Variants in SH3TC1 observed in about 807,000 individuals in gnomAD.
SH3TC1 encodes SH3 domain and tetratricopeptide repeats 1, also known as SH3 domain and tetratricopeptide repeat-containing protein 1.
SH3TC1 carries 135 observed loss-of-function variants against 117.3 expected under a neutral mutation model. That is an observed-to-expected ratio of 1.15 (90% confidence interval 1.00 to 1.33). The LOEUF is 1.33. Among genes scored for constraint, SH3TC1 ranks in the 40% most tolerant of loss-of-function variants. SH3TC1 has a pLI of 0.00. For missense variants in SH3TC1, 2,092 were observed against 1,794.3 expected (o/e 1.17, Z -3.00); for synonymous variants, 898 against 816.9 (o/e 1.10, Z -1.69).
upstream of SH3TC1, among the ~76,000 whole-genome samples, chr4:8,197,505 C>T (rs926098533): frequency 6.6e-6 from 1 of 152,202 alleles, no homozygotes; most frequent in African/African-American, 2.4e-5. Context: ...GGAGCTGCGG[C>T]CCCTCTGCCT....
intron 13 of SH3TC1, 23 bp from the exon 14 acceptor site, chr4:8,233,340 C>T (rs774319788): frequency 1.3e-6 from 2 of 1,588,508 alleles, no homozygotes; most frequent in South Asian, 1.2e-5. Flanking sequence ...AGCCCTTGTT[C>T]TGACACCTGT....
At chr4:8,235,828 G>A (rs1721760730) in intron 15 of SH3TC1, 1 of 395,252 alleles carries the variant, frequency 2.5e-6, no homozygotes, top group Non-Finnish European at 4.5e-6. Context: ...TACAGATGAG[G>A]AAACTGAGGC....
chr4:8,226,985 C>A lies in SH3TC1; in HGVS notation c.1291C>A (p.Pro431Thr). Residue 431 changes from proline to threonine, a missense_variant, in exon 12 of 18, where the codon CCT (proline) becomes ACT (threonine). Transcript: ENST00000245105. Reference sequence around the variant, plus strand: ...GGTGTTTTTGTGACTTGCAGAAATACCTCCACCTTGCCTGAGCCTGGAGCC... The same window carrying A: ...GGTGTTTTTGTGACTTGCAGAAATAACTCCACCTTGCCTGAGCCTGGAGCC... The part of the protein sequence containing the change: ...ETEQPQEKEI[P>T]PPCLSLEPQE... 6.5e-7 allele frequency: 1 copy of A among 1,535,670 alleles called. No homozygotes were observed. The highest frequency in any genetic ancestry group is 8.8e-7 in the Non-Finnish European group (1 of 1,140,340).
Position 8,227,245 on chromosome 4 carries a change from C to T in SH3TC1, c.1551C>T (p.Gly517=). The change falls in exon 12 of 18, where the codon GGC becomes GGT. Residue 517 remains glycine, a synonymous_variant. Transcript: ENST00000245105. The stretch of plus-strand genomic sequence containing the variant: ...CTGGGTACAAGGCCAGCTTCCGTGG[C>T]CTGTACGATGTGGCGCTGCCGTGGC... ...NAPGYKASFR[G]LYDVALPWLS... is the part of the protein sequence containing the mutation. 6.3e-7 allele frequency: 1 copy of T among 1,593,614 alleles called. No homozygotes were observed. The highest frequency in any genetic ancestry group is 8.5e-7 in the Non-Finnish European group (1 of 1,170,138).
chr4:8,225,204 C>A lies in SH3TC1; in HGVS notation c.1273C>A (p.Pro425Thr). ...DSVEEAETEQ[P>T]QEKEIPPPCL... ...AGTAGAGGAAGCTGAGACCGAGCAG[C>A]CGCAGGAAAAAGGTGGGTTTTGCCA... is the stretch of plus-strand genomic sequence containing the variant. Residue 425 changes from proline to threonine, a missense_variant, in exon 11 of 18, where the codon CCG (proline) becomes ACG (threonine). By Grantham distance (38) the Pro-to-Thr change is conservative. Coordinates refer to ENST00000245105, the MANE Select transcript of SH3TC1 (RefSeq NM_018986.5). This position sits in a 1 kb window ranked among gnomAD's most constrained non-coding sequence, Gnocchi z 5.5. 6.2e-7 allele frequency: 1 copy of A among 1,613,854 alleles called. No individual in the cohort carries two copies. Among genetic ancestry groups the A allele is most frequent in the Middle Eastern group, 1.7e-4 (1 of 6,058 alleles).
chr4:8,209,925 C>G lies in SH3TC1; in HGVS notation c.247+103C>G, dbSNP rs1171273833. 4.3e-6 allele frequency: 5 copies of G among 1,154,826 alleles called. No individual in the cohort carries two copies. Among genetic ancestry groups the G allele is most frequent in the Non-Finnish European group, 6.2e-6 (5 of 808,216 alleles). The allele number at this position is 1,154,826 out of a possible 1,614,324, so 71.5% of individuals were successfully genotyped here. A position where few individuals can be genotyped will look rare whatever the true frequency, so the allele number is the denominator to read the frequency against. On this transcript the variant is annotated intron_variant, in intron 3 of 17. Transcript: ENST00000245105. This position sits in a 1 kb window ranked among gnomAD's most constrained non-coding sequence, Gnocchi z 5.9. Reference sequence around the variant, plus strand: ...CCCAGGGCTTCTCAAAGTGTGGCCTCAGACTTCCCACCTTAAAATCATGAT... The same window carrying G: ...CCCAGGGCTTCTCAAAGTGTGGCCTGAGACTTCCCACCTTAAAATCATGAT...
rs1258233258 is a variant in SH3TC1 at position 8,209,140 on chromosome 4, C to A, written c.173-608C>A. ...GCCCGTCTGTGGGCTCAGATAAAGT[C>A]CTCCAAAGATGCCCATGTCCTTATC... On this transcript the variant is annotated intron_variant, in intron 2 of 17. Coordinates refer to ENST00000245105, the MANE Select transcript of SH3TC1 (RefSeq NM_018986.5). The surrounding 1 kb of genome is among the most constrained non-coding windows in gnomAD (Gnocchi z 5.9). Among the ~76,000 whole-genome samples the A allele has an allele frequency of 6.6e-6, 1 of 152,188 alleles. No homozygotes were observed. The highest frequency in any genetic ancestry group is 1.5e-5 in the Non-Finnish European group (1 of 68,036).
chr4:8,188,564 TG>T (rs1223063165), intron 1 of SH3TC1, among the ~76,000 whole-genome samples: 1 of 152,244 alleles, frequency 6.6e-6, no homozygotes, highest in East Asian at 1.9e-4. Flanking sequence ...TGTGGGCCAG[TG>T]GGGGAGTTTC....
In SH3TC1 at chr4:8,225,014, C is replaced by A; in HGVS notation, c.1244-161C>A. ...CTCAGCCTGCAACACCTGCACCCTG[C>A]AACACTCCAGCCCGCAACACCAGCA... On this transcript the variant is annotated intron_variant, in intron 10 of 17. Transcript: ENST00000245105. This position sits in a 1 kb window ranked among gnomAD's most constrained non-coding sequence, Gnocchi z 5.5. The A allele has an allele frequency of 1.2e-6, 1 of 836,148 alleles. No individual in the cohort carries two copies. The highest frequency in any genetic ancestry group is 1.9e-6 in the Non-Finnish European group (1 of 525,744). The allele number at this position is 836,148 out of a possible 1,614,324, so 51.8% of individuals were successfully genotyped here. A position where few individuals can be genotyped will look rare whatever the true frequency, so the allele number is the denominator to read the frequency against.
chr4:8,209,690 C>T lies in SH3TC1; in HGVS notation c.173-58C>T. On this transcript the variant is annotated intron_variant, in intron 2 of 17. Transcript: ENST00000245105. The surrounding 1 kb of genome is among the most constrained non-coding windows in gnomAD (Gnocchi z 5.9). ...AGAGACCTGGAGCGTTTGGCGCCTT[C>T]AGAGGAGCCAGGCCTTTGCTTGGTC... The T allele has an allele frequency of 6.2e-7, 1 of 1,608,636 alleles. No homozygotes were observed. Among genetic ancestry groups the T allele is most frequent in the Non-Finnish European group, 8.5e-7 (1 of 1,178,074 alleles).
intron 17 of SH3TC1, among the ~76,000 whole-genome samples, chr4:8,239,745 CCCCACAGGCTCCTGGGCT>C (rs1722167858): frequency 6.6e-6 from 1 of 152,222 alleles, no homozygotes; most frequent in East Asian, 1.9e-4. Flanking sequence ...CCTCCTGGGC[CCCCACAGGCTCCTGGGCT>C]TGCCTCTGCC....
chr4:8,207,259 C>T (rs942382683), intron 2 of SH3TC1, among the ~76,000 whole-genome samples: 1 of 152,184 alleles, frequency 6.6e-6, no homozygotes, highest in African/African-American at 2.4e-5. Flanking sequence ...GGGATTTGGG[C>T]AGGAATCCCG....
chr4:8,185,737 G>T (rs145614767), intron 1 of SH3TC1, among the ~76,000 whole-genome samples: 223 of 152,326 alleles, frequency 1.5e-3, no homozygotes, highest in Admixed American at 3.7e-3. Context: ...TACCTCCAAG[G>T]CATTGCTGTT....
At chr4:8,237,752 C>G in intron 17 of SH3TC1, 82 bp downstream of exon 17, 13 of 1,414,868 alleles carry the variant, frequency 9.2e-6, no homozygotes, top group Non-Finnish European at 1.1e-5. Context: ...GGCATGTGTT[C>G]CAGCCTTCCT....
Position 8,228,551 on chromosome 4 carries a change from G to C in SH3TC1, c.2857G>C (p.Gly953Arg). 6.2e-7 allele frequency: 1 copy of C among 1,608,434 alleles called. No homozygotes were observed. Among genetic ancestry groups the C allele is most frequent in the Admixed American group, 1.7e-5 (1 of 59,674 alleles). ...RDFTHVLLQL[G>R]HLCTRQGPAQ... Reference sequence around the variant, plus strand: ...CTTCACCCACGTGCTCCTGCAGCTGGGCCATCTCTGCACCCGCCAGGGCCC... The same window carrying C: ...CTTCACCCACGTGCTCCTGCAGCTGCGCCATCTCTGCACCCGCCAGGGCCC... The change falls in exon 12 of 18, where the codon GGC becomes CGC. Residue 953 changes from glycine (G) to arginine (R), a missense_variant. Physicochemically the swap from Gly to Arg is moderately radical, Grantham distance 125. Coordinates refer to ENST00000245105, the MANE Select transcript of SH3TC1 (RefSeq NM_018986.5).
chr4:8,191,152 G>C (rs1425772196), intron 1 of SH3TC1, among the ~76,000 whole-genome samples: 3 of 152,186 alleles, frequency 2.0e-5, no homozygotes, highest in African/African-American at 7.2e-5. Flanking sequence ...CCCCAGATGA[G>C]GAGCACTGTG....
At position 8,240,813 on chromosome 4, in the gene SH3TC1, T is replaced by C; in HGVS notation, c.3869T>C (p.Phe1290Ser). 1 of 1,614,092 alleles carries C rather than the reference T, an allele frequency of 6.2e-7. No homozygotes were observed. Among genetic ancestry groups the C allele is most frequent in the East Asian group, 2.2e-5 (1 of 44,886 alleles). Residue 1290 changes from phenylalanine to serine, a missense_variant, in exon 18 of 18, where the codon TTC (phenylalanine) becomes TCC (serine). Coordinates refer to ENST00000245105, the MANE Select transcript of SH3TC1 (RefSeq NM_018986.5). ...CGGCTGGCCACCATCTACCACAACTTCCTCCTGGACCGTGAGAAGTCGCTC... is the reference window on the plus strand; with the variant it reads ...CGGCTGGCCACCATCTACCACAACTCCCTCCTGGACCGTGAGAAGTCGCTC... ...YTRLATIYHN[F>S]LLDREKSLFF...
At chr4:8,204,211 G>A (rs1718017145) in intron 1 of SH3TC1, among the ~76,000 whole-genome samples, 2 of 152,196 alleles carry the variant, frequency 1.3e-5, no homozygotes, top group South Asian at 2.1e-4. Context: ...GCAAGGGGAC[G>A]AGTCCACGCA....
intron 4 of SH3TC1, 63 bp from the exon 5 acceptor site, chr4:8,214,412 T>G: frequency 6.8e-7 from 1 of 1,478,644 alleles, no homozygotes. Context: ...GTGGACGCTG[T>G]CCTCCTGACA....
Sources: gnomAD v4.1 joint callset for allele counts (sites outside exome capture counted in the v4.1 genomes callset) on GRCh38, gnomAD v4.1.1 for gene constraint, Gnocchi (gnomAD v3.1) non-coding constraint, MANE v1.5 for transcripts, NCBI Gene and HGNC (gene_info 2026-07-23, HGNC 2026-07-21) for gene names.